The following NPC1 variants were observed in gnomAD, a reference collection of about 807,000 sequenced individuals.
NPC1 encodes the protein Niemann-Pick C1 protein.
Under a neutral mutation model 140.4 loss-of-function variants are expected in NPC1, and 85 were observed. That is an observed-to-expected ratio of 0.61 (90% CI 0.51 to 0.72). The LOEUF is 0.72. Among genes scored for constraint, NPC1 ranks in the 30% least tolerant of loss-of-function variants. The pLI, the probability that NPC1 is intolerant of heterozygous loss-of-function variation, is 0.00. For synonymous variants in NPC1, 656 were observed against 624.8 expected, an observed-to-expected ratio of 1.05 and a Z score of -0.74; for missense variants, 1,504 against 1,623.8, an observed-to-expected ratio of 0.93 and a Z score of 1.27.
Position 23,541,426 on chromosome 18 carries a change from C to T in NPC1, c.2253G>A (p.Leu751=). 1 of 1,614,232 alleles carries T rather than the reference C, an allele frequency of 6.2e-7. No homozygotes were observed. Among genetic ancestry groups the T allele is most frequent in the Non-Finnish European group, 8.5e-7 (1 of 1,180,044 alleles). The part of the protein sequence containing the change: ...SETVAFFLGA[L]SVMPAVHTFS... Reference sequence around the variant, plus strand: ...AGGTGTGCACGGCTGGCATCACGGACAATGCTCCTGTCGGGGAGAGAAGGG... The same window carrying T: ...AGGTGTGCACGGCTGGCATCACGGATAATGCTCCTGTCGGGGAGAGAAGGG... The change falls in exon 15 of 25, where the codon TTG becomes TTA. Residue 751 remains leucine, a synonymous_variant. Coordinates refer to ENST00000269228, the MANE Select transcript of NPC1 (RefSeq NM_000271.5).
chr18:23,527,857 C>T (rs1273098326), downstream of NPC1: 2 of 1,614,074 alleles, frequency 1.2e-6, no homozygotes, highest in Admixed American at 1.7e-5. Flanking sequence ...TAAACTCAAC[C>T]ATGAGTATAA....
At chr18:23,556,724 T>G in intron 7 of NPC1, 111 bp from the exon 8 acceptor site, 1 of 1,519,956 alleles carries the variant, frequency 6.6e-7, no homozygotes, top group South Asian at 1.2e-5. Flanking sequence ...CAAGCCCACC[T>G]GGGGACACAT....
chr18:23,529,483 C>T (rs367604995), downstream of NPC1: 45 of 1,243,872 alleles, frequency 3.6e-5, no homozygotes, highest in South Asian at 1.3e-4. Context: ...TAATTGTTGA[C>T]GGGTGGTTCT....
chr18:23,530,483 GACA>G (rs773633527), downstream of NPC1: 74 of 1,614,136 alleles, frequency 4.6e-5, no homozygotes, highest in African/African-American at 1.1e-4. Flanking sequence ...TGGTGGCCAT[GACA>G]ACATTTCTGC....
chr18:23,533,474 A>G lies in NPC1; in HGVS notation c.3635T>C (p.Val1212Ala). The G allele has an allele frequency of 1.9e-6, 3 of 1,614,268 alleles. No homozygotes were observed. The highest frequency in any genetic ancestry group is 2.5e-6 in the Non-Finnish European group (3 of 1,180,042). The change falls in exon 24 of 25, where the codon GTG becomes GCG. Residue 1212 changes from valine (V) to alanine (A), a missense_variant. Physicochemically the swap from Val to Ala is moderately conservative, Grantham distance 64. Transcript: ENST00000269228. Reference sequence around the variant, plus strand: ...AATTTGAGATTTGGCAAAAGCCAACACCACAATCCCTCCAAATTTTGTAAG... The same window carrying G: ...AATTTGAGATTTGGCAAAAGCCAACGCCACAATCCCTCCAAATTTTGTAAG... Reference protein sequence around the residue: ...ITLTKFGGIVVLAFAKSQIFQ... With the variant: ...ITLTKFGGIVALAFAKSQIFQ...
chr18:23,554,727 T>G (rs2058924773), intron 9 of NPC1, 31 bp downstream of exon 9: 5 of 1,546,106 alleles, frequency 3.2e-6, no homozygotes, highest in Non-Finnish European at 3.6e-6. Flanking sequence ...CCAAGAATGG[T>G]GTCTACCAAT....
At chr18:23,527,731 T>C, downstream of NPC1, 1 of 1,283,500 alleles carries the variant, frequency 7.8e-7, no homozygotes, top group African/African-American at 1.5e-5. Flanking sequence ...CATAGCAACG[T>C]GTGGAAATTC....
At chr18:23,540,095 G>GT (rs2058692176) in intron 17 of NPC1, 94 bp from the exon 18 acceptor site, 2 of 1,109,796 alleles carry the variant, frequency 1.8e-6, no homozygotes, top group Non-Finnish European at 2.7e-6. Flanking sequence ...GTGCCAGGAG[G>GT]TTCCTGGCTG....
intron 8 of NPC1, 40 bp from the exon 9 acceptor site, chr18:23,555,024 G>A (rs761272365): frequency 5.5e-6 from 7 of 1,269,134 alleles, no homozygotes; most frequent in Admixed American, 5.2e-5. Context: ...CCAGAAACAC[G>A]TCACATTTCT....
chr18:23,527,166 C>T (rs1400879568), downstream of NPC1, among the ~76,000 whole-genome samples: 1 of 142,894 alleles, frequency 7.0e-6, no homozygotes, highest in East Asian at 2.0e-4. Context: ...GGAGGATTGC[C>T]TGAGCCTAGG....
At chr18:23,558,863 C>G (rs1040487249) in intron 6 of NPC1, among the ~76,000 whole-genome samples, 1 of 152,068 alleles carries the variant, frequency 6.6e-6, no homozygotes, top group Non-Finnish European at 1.5e-5. Flanking sequence ...CTAATGCTAT[C>G]CCTCCCCCAG....
At chr18:23,584,425 G>C (rs1204602468) in intron 1 of NPC1, among the ~76,000 whole-genome samples, 1 of 152,160 alleles carries the variant, frequency 6.6e-6, no homozygotes, top group East Asian at 1.9e-4. Flanking sequence ...TCCAGTTAAG[G>C]TTTACAGACC....
chr18:23,534,624 T>A, intron 22 of NPC1, 65 bp from the exon 23 acceptor site: 1 of 1,304,756 alleles, frequency 7.7e-7, no homozygotes, highest in Non-Finnish European at 1.1e-6. Context: ...AGCCACCCCG[T>A]TCTGAGGATG....
At chr18:23,552,250 A>G (rs1474064289) in intron 9 of NPC1, among the ~76,000 whole-genome samples, 1 of 152,122 alleles carries the variant, frequency 6.6e-6, no homozygotes, top group African/African-American at 2.4e-5. Flanking sequence ...ATAACCCAGG[A>G]GTTTGAGTCC....
intron 3 of NPC1, 44 bp from the exon 4 acceptor site, chr18:23,569,042 T>C (rs1449172931): frequency 7.3e-7 from 1 of 1,373,202 alleles, no homozygotes; most frequent in Non-Finnish European, 1.0e-6. Context: ...TCACACATAA[T>C]AGGGCCAGCA....
In NPC1 at chr18:23,548,068, G is replaced by A. The variant is rs373094778; in HGVS notation, c.1695C>T (p.Phe565=). 1.1e-4 allele frequency: 183 copies of A among 1,612,728 alleles called. 3 individuals are homozygous for A. In the Admixed American group the frequency reaches 2.6e-3, roughly 23 times the overall value. ...TATCATTATAGTAATTATTGACAGG[G>A]AAGGTAATCACAAGGGCAGTGGCGT... The part of the protein sequence containing the change: ...YNNATALVIT[F]PVNNYYNDTE... Residue 565 remains phenylalanine (F), a synonymous_variant, in exon 11 of 25, where the codon TTC becomes TTT. Coordinates refer to ENST00000269228, the MANE Select transcript of NPC1 (RefSeq NM_000271.5).
intron 9 of NPC1, among the ~76,000 whole-genome samples, chr18:23,553,608 G>T (rs907360899): frequency 2.6e-5 from 4 of 152,204 alleles, no homozygotes; most frequent in African/African-American, 9.7e-5. Context: ...TAATTTCTCT[G>T]TTCCCATGCT....
chr18:23,540,551 T>C lies in NPC1; in HGVS notation c.2515-14A>G, dbSNP rs1400856902. On this transcript the variant is annotated splice_polypyrimidine_tract_variant and intron_variant, in intron 16 of 24. Coordinates refer to ENST00000269228, the MANE Select transcript of NPC1 (RefSeq NM_000271.5). Reference sequence around the variant, plus strand: ...AAATATTGCTATCTGGAACAACAAATGAATCATAAGACAGAGACTGCTTAG... The same window carrying C: ...AAATATTGCTATCTGGAACAACAAACGAATCATAAGACAGAGACTGCTTAG... 6.3e-7 allele frequency: 1 copy of C among 1,576,572 alleles called. No individual in the cohort carries two copies. Among genetic ancestry groups the C allele is most frequent in the East Asian group, 2.2e-5 (1 of 44,646 alleles).
Position 23,541,054 on chromosome 18 carries a change from A to C in NPC1, c.2514+14T>G, listed in dbSNP as rs753295416. 1.2e-6 allele frequency: 2 copies of C among 1,614,084 alleles called. No individual in the cohort carries two copies. Among genetic ancestry groups the C allele is most frequent in the East Asian group, 4.5e-5 (2 of 44,890 alleles). ...CAGTGAGAGGAAAGAGAAAAACCAC[A>C]GATAAGCGCATACCACAATTGGTCT... is the stretch of plus-strand genomic sequence containing the variant. On this transcript the variant is annotated intron_variant, in intron 16 of 24. Transcript: ENST00000269228.
Sources: allele counts gnomAD v4.1 joint callset (sites outside exome capture counted in the v4.1 genomes callset), GRCh38; gene constraint gnomAD v4.1.1; transcripts MANE v1.5; gene names NCBI Gene and HGNC (gene_info 2026-07-23, HGNC 2026-07-21).